The following SRGAP1 variants were observed in gnomAD, a reference collection of about 807,000 sequenced individuals.
SRGAP1 encodes the protein SLIT-ROBO Rho GTPase activating protein 1.
A neutral mutation model predicts 121.9 loss-of-function variants in SRGAP1; 43 were observed. The ratio of observed to expected loss-of-function variants is 0.35; its 90% CI spans 0.28 to 0.46. The LOEUF is 0.46. Among genes scored for constraint, SRGAP1 ranks in the 20% least tolerant of loss-of-function variants. The probability of loss-of-function intolerance (pLI) is 1.00; values close to 1 mark genes in which losing one functional copy is unlikely to be tolerated. For missense variants in SRGAP1, 1,102 were observed against 1,350.9 expected (o/e 0.82, Z 2.89); for synonymous variants, 447 against 485.4 (o/e 0.92, Z 1.04).
Position 64,063,033 on chromosome 12 carries a change from T to C in SRGAP1, c.918T>C (p.Val306=), listed in dbSNP as rs1180440599. The C allele has an allele frequency of 6.2e-7, 1 of 1,614,068 alleles. No individual in the cohort carries two copies. Among genetic ancestry groups the C allele is most frequent in the Admixed American group, 1.7e-5 (1 of 60,006 alleles). The change falls in exon 7 of 22, where the codon GTT becomes GTC. Residue 306 remains valine (V), a synonymous_variant. Transcript: ENST00000355086. ...GCTTAGACATTATTGAGAATGCAGTTGATAATTTAGAGCCCAGGAGCGATA... is the reference window on the plus strand; with the variant it reads ...GCTTAGACATTATTGAGAATGCAGTCGATAATTTAGAGCCCAGGAGCGATA... ...HEGLDIIENA[V]DNLEPRSDKQ...
intron 7 of SRGAP1, among the ~76,000 whole-genome samples, chr12:64,063,762 C>G: frequency 6.6e-6 from 1 of 152,154 alleles, no homozygotes; most frequent in Non-Finnish European, 1.5e-5. Context: ...CTATATAGCA[C>G]TTGTTGTCTC....
At chr12:64,036,727 G>A (rs117714782) in intron 4 of SRGAP1, among the ~76,000 whole-genome samples, 2,886 of 152,246 alleles carry the variant, frequency 0.019, 39 homozygotes, top group Middle Eastern at 0.075. Context: ...TTTGGAAGCC[G>A]AGGATAGAAA....
chr12:63,904,243 A>G (rs535392913), intron 1 of SRGAP1, among the ~76,000 whole-genome samples: 59 of 152,142 alleles, frequency 3.9e-4, no homozygotes, highest in Admixed American at 1.8e-3. Flanking sequence ...TAAAGACTAT[A>G]TTTCCCATGT....
intron 5 of SRGAP1, 37 bp downstream of exon 5, chr12:64,043,009 T>A: frequency 1.4e-6 from 2 of 1,456,542 alleles, no homozygotes; most frequent in Non-Finnish European, 1.9e-6. Context: ...CTGCCTTCAT[T>A]TGAGGAGACA....
At chr12:63,954,852 A>C (rs978684469) in intron 1 of SRGAP1, among the ~76,000 whole-genome samples, 1 of 152,054 alleles carries the variant, frequency 6.6e-6, no homozygotes, top group Non-Finnish European at 1.5e-5. Flanking sequence ...AAATCTGTAA[A>C]ATTAGTATAG....
chr12:63,854,662 C>G (rs551135506), intron 1 of SRGAP1, among the ~76,000 whole-genome samples: 79 of 152,256 alleles, frequency 5.2e-4, no homozygotes, highest in African/African-American at 1.9e-3. Context: ...TAAGATTAAT[C>G]TACCTTAATG....
intron 21 of SRGAP1, among the ~76,000 whole-genome samples, chr12:64,134,018 T>TA (rs1368104166): frequency 1.3e-5 from 2 of 152,148 alleles, no homozygotes; most frequent in Non-Finnish European, 2.9e-5. Flanking sequence ...TGGCTCCTGC[T>TA]ACCTTGGGAT....
intron 1 of SRGAP1, among the ~76,000 whole-genome samples, chr12:63,954,584 A>C (rs1465175332): frequency 3.3e-5 from 5 of 150,854 alleles, no homozygotes; most frequent in African/African-American, 1.2e-4. Flanking sequence ...AGGCTGAGGC[A>C]GGAGAATGGC....
chr12:64,147,483 C>G lies in SRGAP1; in HGVS notation c.*4811C>G. ...GCTCAGTAATGTCCCATCTCACCTCCCTGTCGGTCCTCAGACTGTCTCGTT... is the reference window on the plus strand; with the variant it reads ...GCTCAGTAATGTCCCATCTCACCTCGCTGTCGGTCCTCAGACTGTCTCGTT... On this transcript the variant is annotated 3_prime_UTR_variant, in exon 22 of 22. Coordinates refer to ENST00000355086, the MANE Select transcript of SRGAP1 (RefSeq NM_020762.4). 1 of 398,424 alleles carries G rather than the reference C, an allele frequency of 2.5e-6. No individual in the cohort carries two copies. Among genetic ancestry groups the G allele is most frequent in the South Asian group, 1.3e-4 (1 of 7,830 alleles). The allele number at this position is 398,424 out of a possible 1,614,324, so 24.7% of individuals were successfully genotyped here.
Position 64,064,163 on chromosome 12 carries a change from G to A in SRGAP1, c.1024-955G>A, listed in dbSNP as rs144964646. On this transcript the variant is annotated intron_variant, in intron 7 of 21. Transcript: ENST00000355086. ...AACATATCACAGACAAATGACATCA[G>A]TTGTATTTTAATGGTTTAATTGTTT... 8.1e-3 allele frequency among the ~76,000 whole-genome samples: 1,239 copies of A among 152,152 alleles called. 12 individuals are homozygous for A. The highest frequency in any genetic ancestry group is 0.028 in the African/African-American group (1,156 of 41,524).
chr12:64,109,052 G>A lies in SRGAP1; in HGVS notation c.1919+15G>A. 1 of 1,485,144 alleles carries A rather than the reference G, an allele frequency of 6.7e-7. No homozygotes were observed. Among genetic ancestry groups the A allele is most frequent in the Non-Finnish European group, 9.1e-7 (1 of 1,094,112 alleles). 92.0% of individuals were successfully genotyped at this position (1,485,144 alleles called of 1,614,324 possible). ...TTCCTCAATCAGTAAGTACCTGAAT[G>A]CTCTGACAAAAGGCCCATCTGAATT... On this transcript the variant is annotated intron_variant, in intron 16 of 21. Coordinates refer to ENST00000355086, the MANE Select transcript of SRGAP1 (RefSeq NM_020762.4).
At chr12:63,877,607 G>T (rs910001578) in intron 1 of SRGAP1, among the ~76,000 whole-genome samples, 1 of 152,156 alleles carries the variant, frequency 6.6e-6, no homozygotes, top group Non-Finnish European at 1.5e-5. Flanking sequence ...CAACTATCTG[G>T]TTACTTCATC....
chr12:64,033,578 C>T (rs1182255960), intron 4 of SRGAP1, among the ~76,000 whole-genome samples: 1 of 152,106 alleles, frequency 6.6e-6, no homozygotes, highest in Non-Finnish European at 1.5e-5. Flanking sequence ...ATTAGCCCAG[C>T]ATGGTGGCGA....
At chr12:64,055,285 CCAACTTA>C (rs1363153230) in intron 6 of SRGAP1, among the ~76,000 whole-genome samples, 3 of 141,138 alleles carry the variant, frequency 2.1e-5, no homozygotes, top group African/African-American at 8.0e-5. Flanking sequence ...ACCTAGGAAT[CCAACTTA>C]CAAGGGATGT....
chr12:63,920,505 A>G (rs1285213707), intron 1 of SRGAP1, among the ~76,000 whole-genome samples: 1 of 152,204 alleles, frequency 6.6e-6, no homozygotes, highest in Non-Finnish European at 1.5e-5. Flanking sequence ...TAGACTTGAT[A>G]TGAGAGTATG....
In SRGAP1 at chr12:64,115,777, T is replaced by C. The variant is rs1055571058; in HGVS notation, c.2145-37T>C. On this transcript the variant is annotated intron_variant, in intron 17 of 21. Transcript: ENST00000355086. ...ACCTGTCTCAAAAAATTTTTGTCTA[T>C]TTTAATTTCATATGAATTTCCATTT... is the stretch of plus-strand genomic sequence containing the variant. 3 of 1,585,640 alleles carry C rather than the reference T, an allele frequency of 1.9e-6. No individual in the cohort carries two copies. The Admixed American group carries it at 5.2e-5, about 27-fold the overall frequency.
chr12:64,064,871 CCA>C (rs1157297952), intron 7 of SRGAP1, among the ~76,000 whole-genome samples: 2 of 152,196 alleles, frequency 1.3e-5, no homozygotes, highest in Admixed American at 1.3e-4. Context: ...CCCATTCTTA[CCA>C]CAGTCCTTCC....
chr12:64,064,925 G>A (rs545477236), intron 7 of SRGAP1, among the ~76,000 whole-genome samples, 193 bp from the exon 8 acceptor site: 1 of 152,318 alleles, frequency 6.6e-6, no homozygotes, highest in South Asian at 2.1e-4. Context: ...CCAAGCAGCT[G>A]CATTCTGCTA....
intron 1 of SRGAP1, among the ~76,000 whole-genome samples, chr12:63,954,022 A>G (rs1282769829): frequency 6.6e-6 from 1 of 152,178 alleles, no homozygotes; most frequent in African/African-American, 2.4e-5. Flanking sequence ...TTGCTATTCT[A>G]CAGACATCGT....
Sources: gnomAD v4.1 joint callset for allele counts (sites outside exome capture counted in the v4.1 genomes callset) on GRCh38, gnomAD v4.1.1 for gene constraint, MANE v1.5 for transcripts, NCBI Gene and HGNC (gene_info 2026-07-23, HGNC 2026-07-21) for gene names.